DAG1: variants seen among roughly 807,000 people sequenced by gnomAD.
DAG1 encodes the protein dystroglycan 1, also known as dystroglycan 1 (dystrophin-associated glycoprotein 1).
Under a neutral mutation model 46.1 loss-of-function variants are expected in DAG1, and 8 were observed. The observed-to-expected ratio is 0.17, with a 90% CI of 0.10 to 0.31. The LOEUF is 0.31. DAG1 is among the 10% of genes least tolerant of loss of function. DAG1 has a pLI of 1.00. For missense variants in DAG1, 1,003 were observed against 1,189.9 expected (o/e 0.84, Z 2.31); for synonymous variants, 495 against 481.8 (o/e 1.03, Z -0.36).
intron 1 of DAG1, among the ~76,000 whole-genome samples, chr3:49,479,920 G>A (rs2049821252): frequency 1.4e-5 from 2 of 143,866 alleles, no homozygotes; most frequent in African/African-American, 2.6e-5. Context: ...GATTACAGGC[G>A]TGAGCCCCCG....
intron 1 of DAG1, among the ~76,000 whole-genome samples, chr3:49,502,321 T>C (rs1284849316): frequency 6.6e-6 from 1 of 152,224 alleles, no homozygotes; most frequent in African/African-American, 2.4e-5. Context: ...TAAATGGTTC[T>C]TGGAACTGAT....
At position 49,531,616 on chromosome 3, in the gene DAG1, A is replaced by G. The variant is rs1553652891; in HGVS notation, c.1105A>G (p.Thr369Ala). The G allele has an allele frequency of 2.5e-6, 4 of 1,612,948 alleles. No homozygotes were observed. The highest frequency in any genetic ancestry group is 2.5e-6 in the Non-Finnish European group (3 of 1,179,120). ...TCCTGTTCCTGGGAAACCCACGGTC[A>G]CCATCCGGACTCGAGGCGCCATTAT... is the stretch of plus-strand genomic sequence containing the variant. ...RDPVPGKPTV[T>A]IRTRGAIIQT... Residue 369 changes from threonine (T) to alanine (A), a missense_variant, in exon 3 of 3, where the codon ACC (threonine) becomes GCC (alanine). Thr to Ala is a moderately conservative substitution (Grantham distance 58). Transcript: ENST00000308775. This position sits in a 1 kb window ranked among gnomAD's most constrained non-coding sequence, Gnocchi z 7.0.
At chr3:49,515,385 G>GT (rs1364789253) in intron 2 of DAG1, among the ~76,000 whole-genome samples, 20 of 104,072 alleles carry the variant, frequency 1.9e-4, no homozygotes, top group African/African-American at 4.7e-4. Flanking sequence ...ATATTCTTGT[G>GT]TTGTTTTTTT....
intron 1 of DAG1, among the ~76,000 whole-genome samples, chr3:49,474,666 A>G (rs985815056): frequency 7.9e-5 from 12 of 151,862 alleles, no homozygotes; most frequent in Non-Finnish European, 1.6e-4. Context: ...TATTTTTTGT[A>G]GAGGTGGGGT....
chr3:49,533,255 G>A lies in DAG1; in HGVS notation c.*56G>A, dbSNP rs1054303596. On this transcript the variant is annotated 3_prime_UTR_variant, in exon 3 of 3. Transcript: ENST00000308775. ...GGCAGGGGCCTGGAGACGACATGGT[G>A]TTGTCTGTGGAGACCGGTGGCCTGC... 3 of 1,598,602 alleles carry A rather than the reference G, an allele frequency of 1.9e-6. No homozygotes were observed. In the South Asian group the frequency reaches 3.3e-5, roughly 18 times the overall value.
rs2051030481 is a variant in DAG1, at chr3:49,521,654, C to T, written c.286-9143C>T. Among the ~76,000 whole-genome samples, 3 of 152,250 alleles carry T rather than the reference C, an allele frequency of 2.0e-5. No homozygotes were observed. In the South Asian group the frequency reaches 6.2e-4, roughly 32 times the overall value. On this transcript the variant is annotated intron_variant, in intron 2 of 2. Coordinates refer to ENST00000308775, the MANE Select transcript of DAG1 (RefSeq NM_004393.6). ...AAAGACGACGTTTTGCCGTGTTGCC[C>T]AGGCTGATGGTGTTTAGTGCCTACA...
intron 1 of DAG1, among the ~76,000 whole-genome samples, chr3:49,478,457 T>TAAA (rs2049756135): frequency 8.3e-6 from 1 of 119,762 alleles, no homozygotes. Flanking sequence ...AAAAAAAAAT[T>TAAA]AGTTGAGTGT....
In DAG1 at chr3:49,530,974, G is replaced by A. The variant is rs749461367; in HGVS notation, c.463G>A (p.Glu155Lys). ...CCAGACCTCCAGTGTGTTCTCCATCGAGGTCTACCCTGAAGACCACAGTGA... is the reference window on the plus strand; with the variant it reads ...CCAGACCTCCAGTGTGTTCTCCATCAAGGTCTACCCTGAAGACCACAGTGA... ...IPQTSSVFSI[E>K]VYPEDHSELQ... The change falls in exon 3 of 3, where the codon GAG becomes AAG. Residue 155 changes from glutamate to lysine, a missense_variant. This residue lies in a region of DAG1 where 196 missense variants were observed against 239.1 expected (regional missense o/e 0.82). Coordinates refer to ENST00000308775, the MANE Select transcript of DAG1 (RefSeq NM_004393.6). The A allele has an allele frequency of 1.1e-5, 17 of 1,614,014 alleles. 1 individual carries two copies. The South Asian group carries it at 1.3e-4, about 13-fold the overall frequency.
chr3:49,508,194 C>CTTTTTTTTTTTTTTTTTTT (rs11344604), intron 1 of DAG1, among the ~76,000 whole-genome samples: 1 of 73,568 alleles, frequency 1.4e-5, no homozygotes, highest in South Asian at 5.0e-4. Context: ...GTTTATTTTG[C>CTTTTTTTTTTTTTTTTTTT]TTTTTTTTTT....
rs1484510659 is a variant in DAG1, at chr3:49,470,307, C to G, written c.-243C>G. The G allele has an allele frequency of 3.3e-5, 5 of 152,178 alleles. No homozygotes were observed. The highest frequency in any genetic ancestry group is 7.3e-5 in the Non-Finnish European group (5 of 68,104). The allele number at this position is 152,178 out of a possible 1,614,324, so 9.4% of individuals were successfully genotyped here. A position where few individuals can be genotyped will look rare whatever the true frequency, so the allele number is the denominator to read the frequency against. On this transcript the variant is annotated 5_prime_UTR_variant, in exon 1 of 3. Transcript: ENST00000308775. ...CTCGCGCGAAGGCTGCGGCGCGGCGCTCGCGCCTCTTAGGCTTGGCGGTGG... is the reference window on the plus strand; with the variant it reads ...CTCGCGCGAAGGCTGCGGCGCGGCGGTCGCGCCTCTTAGGCTTGGCGGTGG...
At chr3:49,516,043 G>C (rs1225258847) in intron 2 of DAG1, among the ~76,000 whole-genome samples, 1 of 151,994 alleles carries the variant, frequency 6.6e-6, no homozygotes, top group Non-Finnish European at 1.5e-5. Context: ...AACACACCTA[G>C]CTTAGGGTCC....
intron 1 of DAG1, among the ~76,000 whole-genome samples, chr3:49,474,557 G>A (rs905286999): frequency 6.6e-6 from 1 of 151,992 alleles, no homozygotes; most frequent in African/African-American, 2.4e-5. Flanking sequence ...TGTTGCCCAG[G>A]CTGATCTCGA....
chr3:49,501,790 G>A (rs1163831630), intron 1 of DAG1, among the ~76,000 whole-genome samples: 6 of 150,424 alleles, frequency 4.0e-5, no homozygotes, highest in African/African-American at 1.2e-4. Flanking sequence ...CTCCAGCCCG[G>A]GTGACAGAGT....
intron 1 of DAG1, among the ~76,000 whole-genome samples, chr3:49,495,644 G>A (rs1301721414): frequency 1.3e-5 from 2 of 151,982 alleles, no homozygotes; most frequent in African/African-American, 2.4e-5. Flanking sequence ...AGTTAGGGCC[G>A]GGCACAGTGG....
At chr3:49,511,491 A>G (rs1336781391) in intron 2 of DAG1, among the ~76,000 whole-genome samples, 2 of 152,220 alleles carry the variant, frequency 1.3e-5, no homozygotes, top group African/African-American at 4.8e-5. Flanking sequence ...TTTCATGGAC[A>G]GGTGGGTGGG....
chr3:49,528,258 A>G (rs1325101530), intron 2 of DAG1, among the ~76,000 whole-genome samples: 1 of 137,418 alleles, frequency 7.3e-6, no homozygotes. Context: ...TTCAGCCAAA[A>G]CATTTGAAAT....
At chr3:49,490,405 GCAAGAATAATT>G (rs1448223402) in intron 1 of DAG1, among the ~76,000 whole-genome samples, 2 of 149,650 alleles carry the variant, frequency 1.3e-5, no homozygotes, top group African/African-American at 4.9e-5. Context: ...CAGAAAAATT[GCAAGAATAATT>G]CAAGAAACTC....
intron 1 of DAG1, among the ~76,000 whole-genome samples, chr3:49,494,487 CATT>C (rs2050260695): frequency 1.3e-5 from 2 of 152,146 alleles, no homozygotes; most frequent in African/African-American, 4.8e-5. Flanking sequence ...TTTAATTCAT[CATT>C]GCTAGATTAG....
intron 2 of DAG1, among the ~76,000 whole-genome samples, chr3:49,511,368 G>A (rs543257733): frequency 6.6e-6 from 1 of 152,112 alleles, no homozygotes; most frequent in South Asian, 2.1e-4. Context: ...GAGTGTCTTG[G>A]TTGACCCAGG....
Sources: gnomAD v4.1 joint callset for allele counts (sites outside exome capture counted in the v4.1 genomes callset) on GRCh38, gnomAD v4.1.1 for gene constraint, gnomAD v4.1.1 regional missense constraint, Gnocchi (gnomAD v3.1) non-coding constraint, MANE v1.5 for transcripts, NCBI Gene and HGNC (gene_info 2026-07-23, HGNC 2026-07-21) for gene names.